TFDP2: variants seen among roughly 807,000 people sequenced by gnomAD.
The protein encoded by TFDP2 is transcription factor Dp-2 (E2F dimerization partner 2).
In TFDP2, 17 loss-of-function variants were observed where a neutral mutation model predicts 59.3. The observed-to-expected ratio is 0.29, with a 90% confidence interval of 0.20 to 0.43. The LOEUF (loss-of-function observed/expected upper bound fraction) is 0.43, where lower values mean the gene tolerates loss of function less well. Among genes scored for constraint, TFDP2 ranks in the 20% least tolerant of loss-of-function variants. TFDP2 has a pLI of 1.00. For missense variants in TFDP2, 391 were observed against 528.8 expected, an observed-to-expected ratio of 0.74 and a Z score of 2.56; for synonymous variants, 180 against 194.7, an observed-to-expected ratio of 0.92 and a Z score of 0.63.
chr3:141,969,001 CAT>C lies in TFDP2; in HGVS notation c.732+1070_732+1071del, dbSNP rs1353103947. On this transcript the variant is annotated intron_variant, in intron 9 of 12. Transcript: ENST00000489671. ...ATATAGATATATATAACATATATCT[CAT>C]ATATATAGATATATATATAACATAT... is the stretch of plus-strand genomic sequence containing the variant. Among the ~76,000 whole-genome samples the C allele has an allele frequency of 4.8e-4, 38 of 79,104 alleles. 3 individuals are homozygous for C. The highest frequency in any genetic ancestry group is 1.9e-3 in the East Asian group (7 of 3,656). The allele number at this position is 79,104 out of a possible 152,430, so 51.9% of individuals were successfully genotyped here. A position where few individuals can be genotyped will look rare whatever the true frequency, so the allele number is the denominator to read the frequency against.
chr3:142,100,261 C>T (rs1485178733), intron 2 of TFDP2, among the ~76,000 whole-genome samples: 1 of 152,226 alleles, frequency 6.6e-6, no homozygotes. Context: ...ACTTGCTTCT[C>T]CTGGTCACAA....
intron 1 of TFDP2, among the ~76,000 whole-genome samples, chr3:142,109,391 C>T (rs2061575093): frequency 6.7e-6 from 1 of 149,790 alleles, no homozygotes. Context: ...GGCAACGGTG[C>T]GATCTCGGCT....
intron 4 of TFDP2, among the ~76,000 whole-genome samples, chr3:141,999,969 T>C (rs768174065): frequency 1.4e-4 from 21 of 152,088 alleles, no homozygotes; most frequent in Non-Finnish European, 2.9e-4. Context: ...TCTCCTGACC[T>C]CGTGATCTGC....
At chr3:142,018,929 G>GTTTT (rs62753560) in intron 3 of TFDP2, among the ~76,000 whole-genome samples, 11,591 of 125,024 alleles carry the variant, frequency 0.093, 855 homozygotes, top group African/African-American at 0.15. Flanking sequence ...TTTTTGGTGA[G>GTTTT]TTTTTTTTTT....
chr3:141,989,115 T>C (rs1197104643), intron 6 of TFDP2: 1 of 152,264 alleles, frequency 6.6e-6, no homozygotes, highest in Non-Finnish European at 1.5e-5. Context: ...TACATCCTCT[T>C]GGGTCATAAC....
At chr3:142,019,722 A>G (rs1255467736) in intron 3 of TFDP2, among the ~76,000 whole-genome samples, 2 of 151,444 alleles carry the variant, frequency 1.3e-5, no homozygotes, top group Non-Finnish European at 3.0e-5. Context: ...CCTGGAAGTT[A>G]TCTGATATAA....
chr3:142,131,202 G>A (rs2062491804), intron 1 of TFDP2, among the ~76,000 whole-genome samples: 1 of 150,018 alleles, frequency 6.7e-6, no homozygotes, highest in Admixed American at 6.6e-5. Context: ...ATATTATTGA[G>A]GATAAAGAAG....
intron 2 of TFDP2, among the ~76,000 whole-genome samples, chr3:142,098,220 T>C (rs1447406344): frequency 1.3e-5 from 2 of 150,598 alleles, no homozygotes; most frequent in Non-Finnish European, 2.9e-5. Flanking sequence ...AATTTTTCCA[T>C]AATGAGTATT....
At chr3:141,986,344 C>G (rs946926119) in intron 6 of TFDP2, among the ~76,000 whole-genome samples, 1 of 152,238 alleles carries the variant, frequency 6.6e-6, no homozygotes, top group Non-Finnish European at 1.5e-5. Context: ...GTGTCTCCTT[C>G]TAGTTACAGT....
chr3:142,001,438 G>A (rs1205683438), intron 4 of TFDP2, among the ~76,000 whole-genome samples: 1 of 152,194 alleles, frequency 6.6e-6, no homozygotes, highest in Admixed American at 6.5e-5. Context: ...TGTCCCCCAT[G>A]CCTTGGCACT....
intron 6 of TFDP2, among the ~76,000 whole-genome samples, chr3:141,985,862 A>G (rs1249025776): frequency 6.6e-6 from 1 of 152,214 alleles, no homozygotes; most frequent in African/African-American, 2.4e-5. Context: ...CAAATCATGT[A>G]TTTAATAAGG....
intron 3 of TFDP2, among the ~76,000 whole-genome samples, chr3:142,034,335 G>C (rs891145542): frequency 6.6e-6 from 1 of 151,968 alleles, no homozygotes; most frequent in Non-Finnish European, 1.5e-5. Flanking sequence ...CTGGCCTCAG[G>C]TGATCCGCCC....
At chr3:142,095,223 C>G (rs979699916) in intron 2 of TFDP2, among the ~76,000 whole-genome samples, 3 of 152,200 alleles carry the variant, frequency 2.0e-5, no homozygotes, top group African/African-American at 7.2e-5. Context: ...CTCCTGTCCT[C>G]AAGTGATCCA....
intron 7 of TFDP2, among the ~76,000 whole-genome samples, chr3:141,975,693 CAA>C (rs537962821): frequency 0.1 from 9,997 of 95,936 alleles, 332 homozygotes; most frequent in Non-Finnish European, 0.15. Context: ...GACTCTGTCT[CAA>C]AAAAAAAAAA....
intron 3 of TFDP2, among the ~76,000 whole-genome samples, chr3:142,053,007 ACCGTGTTAG>A (rs1181506091): frequency 6.6e-6 from 1 of 151,868 alleles, no homozygotes; most frequent in Admixed American, 6.6e-5. Flanking sequence ...ATGGGGTTTC[ACCGTGTTAG>A]CCAGGATGGT....
At chr3:142,089,278 A>G (rs71304125) in intron 3 of TFDP2, among the ~76,000 whole-genome samples, 38 of 152,248 alleles carry the variant, frequency 2.5e-4, no homozygotes, top group Admixed American at 3.9e-4. Context: ...CTCGAACTGA[A>G]AAATGCAACG....
At chr3:142,098,269 C>T (rs1443390337) in intron 2 of TFDP2, among the ~76,000 whole-genome samples, 6 of 117,140 alleles carry the variant, frequency 5.1e-5, no homozygotes, top group Non-Finnish European at 1.1e-4. Flanking sequence ...ATTGACAAGG[C>T]AAAAAAAAAA....
At chr3:141,968,879 G>T (rs1362748875) in intron 9 of TFDP2, among the ~76,000 whole-genome samples, 84 of 54,866 alleles carry the variant, frequency 1.5e-3, no homozygotes, top group Non-Finnish European at 1.9e-3. Context: ...CATATATATA[G>T]ATATATATAA....
rs568196452 is a variant in TFDP2, at chr3:142,145,101, T to C, written c.-93+4082A>G. 2.6e-5 allele frequency among the ~76,000 whole-genome samples: 4 copies of C among 152,330 alleles called. No individual in the cohort carries two copies. In the East Asian group the frequency reaches 5.8e-4, roughly 22 times the overall value. ...TCCGATGGCTCAAGTAAAACAAGCA[T>C]TGATATCTTGTGCAAAATGGGCATT... On this transcript the variant is annotated intron_variant, in intron 1 of 12. Transcript: ENST00000489671.
Sources: allele counts gnomAD v4.1 joint callset (sites outside exome capture counted in the v4.1 genomes callset), GRCh38; gene constraint gnomAD v4.1.1; transcripts MANE v1.5; gene names NCBI Gene and HGNC (gene_info 2026-07-23, HGNC 2026-07-21).